TDRP: variants seen among roughly 807,000 people sequenced by gnomAD.
TDRP encodes testis development-related protein.
A neutral mutation model predicts 10.5 loss-of-function variants in TDRP; 12 were observed. That is an observed-to-expected ratio of 1.15 (90% CI 0.73 to 1.86). The LOEUF (loss-of-function observed/expected upper bound fraction) is 1.86. TDRP is among the 40% of genes most tolerant of loss of function. TDRP has a pLI of 0.00. For synonymous variants in TDRP, 139 were observed against 95.4 expected, an observed-to-expected ratio of 1.46 and a Z score of -2.67; for missense variants, 353 against 229.2, an observed-to-expected ratio of 1.54 and a Z score of -3.49.
At chr8:516,199 G>A (rs1370438517) in intron 1 of TDRP, among the ~76,000 whole-genome samples, 1 of 152,140 alleles carries the variant, frequency 6.6e-6, no homozygotes, top group Non-Finnish European at 1.5e-5. Context: ...ACAGGTCTCA[G>A]GAGGTTCACA....
chr8:543,485 G>A (rs1802554516), intron 1 of TDRP, among the ~76,000 whole-genome samples: 1 of 151,488 alleles, frequency 6.6e-6, no homozygotes, highest in Non-Finnish European at 1.5e-5. Context: ...TAACTCTGTA[G>A]CCACATATAA....
chr8:504,854 T>C (rs1207612899), intron 1 of TDRP, among the ~76,000 whole-genome samples: 1 of 152,210 alleles, frequency 6.6e-6, no homozygotes, highest in South Asian at 2.1e-4. Flanking sequence ...GACTTATAAA[T>C]TCATTCTAAG....
chr8:509,705 T>C (rs911681014), intron 1 of TDRP, among the ~76,000 whole-genome samples: 2 of 152,120 alleles, frequency 1.3e-5, no homozygotes, highest in African/African-American at 4.8e-5. Flanking sequence ...AATTTCCCTA[T>C]TGTCTTGATG....
intron 1 of TDRP, among the ~76,000 whole-genome samples, chr8:507,544 G>C (rs952906588): frequency 1.3e-5 from 2 of 152,078 alleles, no homozygotes; most frequent in Admixed American, 6.6e-5. Flanking sequence ...ATGCGGTCAC[G>C]GACAGAGGAA....
intron 1 of TDRP, among the ~76,000 whole-genome samples, chr8:501,161 G>C (rs888407717): frequency 1.3e-5 from 2 of 151,544 alleles, no homozygotes; most frequent in African/African-American, 4.8e-5. Context: ...AGCTGAGATC[G>C]CGCCACTGCA....
At chr8:508,584 C>T (rs1480639323) in intron 1 of TDRP, among the ~76,000 whole-genome samples, 1 of 152,100 alleles carries the variant, frequency 6.6e-6, no homozygotes, top group Non-Finnish European at 1.5e-5. Flanking sequence ...TGCGGGAAAC[C>T]ACCCCCAGGA....
At chr8:516,941 T>C (rs992152978) in intron 1 of TDRP, among the ~76,000 whole-genome samples, 15 of 152,304 alleles carry the variant, frequency 9.8e-5, no homozygotes, top group Non-Finnish European at 1.6e-4. Flanking sequence ...AAATGCACTA[T>C]CAAGCCATGA....
intron 1 of TDRP, among the ~76,000 whole-genome samples, chr8:527,923 T>C: frequency 6.6e-6 from 1 of 151,920 alleles, no homozygotes; most frequent in East Asian, 1.9e-4. Flanking sequence ...TCACATCAAA[T>C]TAGAAAGCCT....
intron 1 of TDRP, among the ~76,000 whole-genome samples, chr8:511,213 C>T (rs1462768443): frequency 6.6e-6 from 1 of 152,052 alleles, no homozygotes; most frequent in Non-Finnish European, 1.5e-5. Flanking sequence ...AAAATACAAT[C>T]CAACTAAATA....
intron 1 of TDRP, among the ~76,000 whole-genome samples, chr8:535,267 C>G (rs753756001): frequency 6.6e-6 from 1 of 152,112 alleles, no homozygotes; most frequent in South Asian, 2.1e-4. Flanking sequence ...AGCAGCTGCA[C>G]CACCCTAGCT....
At chr8:529,411 C>A (rs923871323) in intron 1 of TDRP, among the ~76,000 whole-genome samples, 1 of 152,186 alleles carries the variant, frequency 6.6e-6, no homozygotes, top group Admixed American at 6.5e-5. Context: ...TTGCTCACCA[C>A]CATTACTATA....
At chr8:526,335 G>T (rs1025841838) in intron 1 of TDRP, among the ~76,000 whole-genome samples, 44 of 152,158 alleles carry the variant, frequency 2.9e-4, no homozygotes, top group Admixed American at 2.9e-3. Context: ...TTGTCAGTAT[G>T]ATACTAGCTA....
At chr8:522,884 T>C (rs912395070) in intron 1 of TDRP, among the ~76,000 whole-genome samples, 1 of 152,220 alleles carries the variant, frequency 6.6e-6, no homozygotes, top group Non-Finnish European at 1.5e-5. Context: ...ATGGAATCTT[T>C]TTCCATATTT....
At chr8:508,158 G>C (rs1351527607) in intron 1 of TDRP, among the ~76,000 whole-genome samples, 3 of 152,182 alleles carry the variant, frequency 2.0e-5, no homozygotes, top group African/African-American at 7.2e-5. Context: ...GAGAATGCCA[G>C]TAAAGAGACA....
intron 1 of TDRP, among the ~76,000 whole-genome samples, chr8:514,595 C>G (rs1174972886): frequency 6.6e-6 from 1 of 152,140 alleles, no homozygotes; most frequent in Non-Finnish European, 1.5e-5. Context: ...TGTATGGAAA[C>G]ACGAGGAACC....
In TDRP at chr8:492,343, C is replaced by T. The variant is rs1227978703; in HGVS notation, c.*56G>A. On this transcript the variant is annotated 3_prime_UTR_variant, in exon 3 of 3. Coordinates refer to ENST00000324079, the MANE Select transcript of TDRP (RefSeq NM_001384899.1). ...TAACGCGGAAAAGACTCAACAACTA[C>T]ATGGTATACTCATAAAAGGCCACCA... is the stretch of plus-strand genomic sequence containing the variant. 6 of 1,430,962 alleles carry T rather than the reference C, an allele frequency of 4.2e-6. No individual in the cohort carries two copies. In the South Asian group the frequency reaches 4.8e-5, roughly 12 times the overall value. The allele number at this position is 1,430,962 out of a possible 1,614,324, so 88.6% of individuals were successfully genotyped here.
At chr8:544,619 A>C in intron 1 of TDRP, 31 bp downstream of exon 1, 1 of 1,219,824 alleles carries the variant, frequency 8.2e-7, no homozygotes, top group Non-Finnish European at 1.0e-6. Context: ...CCCCCGGCCT[A>C]CTAGCACTCC....
chr8:533,833 T>C (rs1461653335), intron 1 of TDRP, among the ~76,000 whole-genome samples: 1 of 152,192 alleles, frequency 6.6e-6, no homozygotes, highest in African/African-American at 2.4e-5. Flanking sequence ...TTCCTCGCAA[T>C]GTTCTAGCGC....
intron 1 of TDRP, among the ~76,000 whole-genome samples, chr8:538,703 T>A (rs1330171131): frequency 6.6e-6 from 1 of 152,208 alleles, no homozygotes; most frequent in Non-Finnish European, 1.5e-5. Flanking sequence ...TTCAATGACA[T>A]GGTAGTGGGA....
Sources: allele counts gnomAD v4.1 joint callset (sites outside exome capture counted in the v4.1 genomes callset), GRCh38; gene constraint gnomAD v4.1.1; transcripts MANE v1.5; gene names NCBI Gene and HGNC (gene_info 2026-07-23, HGNC 2026-07-21).